The following MYPN variants were observed in gnomAD, a reference collection of about 807,000 sequenced individuals.
The protein encoded by MYPN is sarcomeric protein myopalladin, 145 kDa (MYOP).
MYPN carries 63 observed loss-of-function variants against 129.4 expected under a neutral mutation model. That is an observed-to-expected ratio of 0.49 (90% CI 0.40 to 0.60). The LOEUF is 0.60. Among genes scored for constraint, MYPN ranks in the 20% least tolerant of loss-of-function variants. MYPN has a pLI of 0.00. For missense variants in MYPN, 1,596 were observed against 1,635.4 expected (o/e 0.98, Z 0.42); for synonymous variants, 629 against 600.9 (o/e 1.05, Z -0.68).
Position 68,174,122 on chromosome 10 carries a change from T to G in MYPN, c.2030T>G (p.Leu677Trp). 6.2e-7 allele frequency: 1 copy of G among 1,614,162 alleles called. No individual in the cohort carries two copies. Among genetic ancestry groups the G allele is most frequent in the Non-Finnish European group, 8.5e-7 (1 of 1,180,014 alleles). ...CAAGTCTTACTGGAACAACACCAATTGCAAAACCCACCTCCTTCATCTCCT... is the reference window on the plus strand; with the variant it reads ...CAAGTCTTACTGGAACAACACCAATGGCAAAACCCACCTCCTTCATCTCCT... ...HNQVLLEQHQ[L>W]QNPPPSSPKE... The change falls in exon 11 of 20, where the codon TTG becomes TGG. Residue 677 changes from leucine to tryptophan, a missense_variant. Leu to Trp is a moderately conservative substitution (Grantham distance 61, BLOSUM62 -2). Coordinates refer to ENST00000358913, the MANE Select transcript of MYPN (RefSeq NM_032578.4).
chr10:68,121,927 C>G lies in MYPN; in HGVS notation c.489C>G (p.Ser163=), dbSNP rs1277548524. The G allele has an allele frequency of 6.2e-7, 1 of 1,614,052 alleles. No individual in the cohort carries two copies. The highest frequency in any genetic ancestry group is 8.5e-7 in the Non-Finnish European group (1 of 1,180,040). ...KAADFIEELS[S]LFKSHSSKRI... ...CCGACTTCATTGAAGAGCTATCCTC[C>G]CTTTTCAAATCCCACAGCTCCAAAA... Residue 163 remains serine (S), a synonymous_variant, in exon 2 of 20, where the codon TCC becomes TCG. Coordinates refer to ENST00000358913, the MANE Select transcript of MYPN (RefSeq NM_032578.4).
At chr10:68,183,668 A>C (rs1431418369) in intron 12 of MYPN, among the ~76,000 whole-genome samples, 1 of 152,134 alleles carries the variant, frequency 6.6e-6, no homozygotes, top group Non-Finnish European at 1.5e-5. Flanking sequence ...ATGGATTGGA[A>C]ATTTGAGGAC....
intron 10 of MYPN, among the ~76,000 whole-genome samples, chr10:68,168,072 A>G (rs1299421575): frequency 2.0e-5 from 3 of 152,092 alleles, no homozygotes; most frequent in African/African-American, 7.2e-5. Flanking sequence ...TATCTGATCC[A>G]TTCTTCTCTC....
intron 18 of MYPN, among the ~76,000 whole-genome samples, chr10:68,203,481 CAGGAGGCTG>C (rs148389154): frequency 0.14 from 20,539 of 151,608 alleles, 1,767 homozygotes; most frequent in Admixed American, 0.19. Flanking sequence ...CCCAGCTACT[CAGGAGGCTG>C]AGGAGGGAGG....
At chr10:68,170,877 G>A (rs1289072014) in intron 10 of MYPN, among the ~76,000 whole-genome samples, 5 of 152,152 alleles carry the variant, frequency 3.3e-5, no homozygotes, top group African/African-American at 7.2e-5. Flanking sequence ...GGCCGGGCAT[G>A]GTGGCTCAAG....
At chr10:68,178,682 C>A (rs1191308734) in intron 12 of MYPN, among the ~76,000 whole-genome samples, 1 of 140,570 alleles carries the variant, frequency 7.1e-6, no homozygotes, top group African/African-American at 2.6e-5. Context: ...CATTGAGCTC[C>A]AGTCTGGGTG....
At chr10:68,143,722 C>T (rs1255934802) in intron 3 of MYPN, among the ~76,000 whole-genome samples, 1 of 152,022 alleles carries the variant, frequency 6.6e-6, no homozygotes, top group African/African-American at 2.4e-5. Context: ...AAAGACATGA[C>T]ATGATCTTAG....
intron 1 of MYPN, among the ~76,000 whole-genome samples, chr10:68,114,553 T>G (rs1027479050): frequency 1.3e-5 from 2 of 152,084 alleles, no homozygotes; most frequent in African/African-American, 4.8e-5. Context: ...TTCACCATGT[T>G]GACCAGGCTG....
chr10:68,094,999 T>G (rs2041949666), intron 1 of MYPN, among the ~76,000 whole-genome samples: 2 of 152,156 alleles, frequency 1.3e-5, no homozygotes, highest in African/African-American at 4.8e-5. Flanking sequence ...AGACGGAGGT[T>G]GCAGTGAGCC....
chr10:68,166,813 G>A (rs1481988296), intron 10 of MYPN, 147 bp downstream of exon 10: 6 of 1,164,112 alleles, frequency 5.2e-6, no homozygotes, highest in Non-Finnish European at 7.4e-6. Context: ...AGGATCGCTT[G>A]AGCCCAGGAA....
At chr10:68,133,957 A>C (rs1182846671) in intron 2 of MYPN, among the ~76,000 whole-genome samples, 1 of 152,082 alleles carries the variant, frequency 6.6e-6, no homozygotes, top group Non-Finnish European at 1.5e-5. Context: ...ACAAAAAAGC[A>C]AGATTTTCAA....
At chr10:68,142,895 C>T in intron 2 of MYPN, 45 bp from the exon 3 acceptor site, 1 of 1,573,552 alleles carries the variant, frequency 6.4e-7, no homozygotes, top group Non-Finnish European at 8.7e-7. Flanking sequence ...ATGTTATTGT[C>T]TTGCATTTGA....
At chr10:68,095,798 G>A (rs1337038868) in intron 1 of MYPN, among the ~76,000 whole-genome samples, 1 of 152,084 alleles carries the variant, frequency 6.6e-6, no homozygotes, top group Non-Finnish European at 1.5e-5. Flanking sequence ...GGATACAGAG[G>A]TTTAATTTTG....
Position 68,182,497 on chromosome 10 carries a change from CAT to C in MYPN, c.2704-6397_2704-6396del, listed in dbSNP as rs1336306348. Among the ~76,000 whole-genome samples, 990 of 132,446 alleles carry C rather than the reference CAT, an allele frequency of 7.5e-3. 53 individuals carry two copies. Among genetic ancestry groups the C allele is most frequent in the African/African-American group, 0.022 (811 of 37,594 alleles). 86.9% of individuals were successfully genotyped at this position (132,446 alleles called of 152,430 possible). ...ACACACACACACACACACACACACA[CAT>C]ATATATATATGGCATTTTTTTTTTT... On this transcript the variant is annotated intron_variant, in intron 12 of 19. Transcript: ENST00000358913.
At chr10:68,105,388 A>G (rs1046712738), upstream of MYPN, among the ~76,000 whole-genome samples, 1 of 152,202 alleles carries the variant, frequency 6.6e-6, no homozygotes, top group African/African-American at 2.4e-5. Flanking sequence ...TATTACTACC[A>G]AGACTATAGT....
At chr10:68,129,484 T>C (rs910220148) in intron 2 of MYPN, among the ~76,000 whole-genome samples, 2 of 152,212 alleles carry the variant, frequency 1.3e-5, no homozygotes, top group East Asian at 1.9e-4. Flanking sequence ...GAATAATATA[T>C]CATTGATGTA....
chr10:68,115,689 C>A (rs2042147143), intron 1 of MYPN, among the ~76,000 whole-genome samples: 1 of 152,214 alleles, frequency 6.6e-6, no homozygotes, highest in Admixed American at 6.5e-5. Flanking sequence ...TTCTCAAAAC[C>A]TTTAAGTGGT....
chr10:68,107,023 A>G (rs1589515461), upstream of MYPN, among the ~76,000 whole-genome samples: 1 of 152,216 alleles, frequency 6.6e-6, no homozygotes, highest in South Asian at 2.1e-4. Flanking sequence ...TATTTTTTGT[A>G]TCAATAAACT....
intron 1 of MYPN, among the ~76,000 whole-genome samples, chr10:68,098,021 G>A (rs2041964771): frequency 6.6e-6 from 1 of 152,156 alleles, no homozygotes; most frequent in Non-Finnish European, 1.5e-5. Flanking sequence ...CAAGGTGGGT[G>A]GATTGCCTGA....
Sources: allele counts gnomAD v4.1 joint callset (sites outside exome capture counted in the v4.1 genomes callset), GRCh38; gene constraint gnomAD v4.1.1; transcripts MANE v1.5; gene names NCBI Gene and HGNC (gene_info 2026-07-23, HGNC 2026-07-21).